XXYLT1: variants seen among roughly 807,000 people sequenced by gnomAD.
XXYLT1 encodes xyloside xylosyltransferase 1, also known as UDP-xylose:alpha-xyloside alpha-1,3-xylosyltransferase.
Under a neutral mutation model 28.9 loss-of-function variants are expected in XXYLT1, and 20 were observed. That is an observed-to-expected ratio of 0.69 (90% CI 0.49 to 1.00). The LOEUF (loss-of-function observed/expected upper bound fraction) is 1.00. XXYLT1 is among the 50% of genes least tolerant of loss of function. XXYLT1 has a pLI of 0.00. For synonymous variants in XXYLT1, 257 were observed against 253.8 expected, an observed-to-expected ratio of 1.01 and a Z score of -0.12; for missense variants, 542 against 560.1, an observed-to-expected ratio of 0.97 and a Z score of 0.33.
chr3:195,193,382 A>G (rs1230181002), intron 2 of XXYLT1, among the ~76,000 whole-genome samples: 1 of 150,986 alleles, frequency 6.6e-6, no homozygotes, highest in Non-Finnish European at 1.5e-5. Context: ...ACTGCAAAAC[A>G]CTGCTGAGAA....
Position 195,270,875 on chromosome 3 carries a change from C to T in XXYLT1, c.184G>A (p.Ala62Thr), listed in dbSNP as rs1340996043. ...GCGGGCGGCGAGGGCGCGGCGGGAG[C>T]CCCGGCGCGGGCCTCCTTCAGCCTC... Reference protein sequence around the residue: ...TKRLKEARAGAPAAPSPPALE... With the variant: ...TKRLKEARAGTPAAPSPPALE... The change falls in exon 1 of 4, where the codon GCT becomes ACT. Residue 62 changes from alanine (A) to threonine (T), a missense_variant. Ala to Thr is a moderately conservative substitution (Grantham distance 58, BLOSUM62 0). Coordinates refer to ENST00000310380, the MANE Select transcript of XXYLT1 (RefSeq NM_152531.5). 4 of 1,414,018 alleles carry T rather than the reference C, an allele frequency of 2.8e-6. No individual in the cohort carries two copies. The highest frequency in any genetic ancestry group is 2.4e-4 in the Middle Eastern group (1 of 4,126). The allele number at this position is 1,414,018 out of a possible 1,614,324, so 87.6% of individuals were successfully genotyped here.
At chr3:195,247,814 G>T (rs185920287) in intron 1 of XXYLT1, 1 of 702,694 alleles carries the variant, frequency 1.4e-6, no homozygotes, top group Non-Finnish European at 2.6e-6. Flanking sequence ...ACACAATCAC[G>T]GCGGAAGGGA....
intron 2 of XXYLT1, among the ~76,000 whole-genome samples, chr3:195,187,490 T>A (rs1249128809): frequency 6.6e-6 from 1 of 152,196 alleles, no homozygotes; most frequent in African/African-American, 2.4e-5. Context: ...ATCTGTATAG[T>A]GCTATGAGGA....
intron 3 of XXYLT1, among the ~76,000 whole-genome samples, chr3:195,082,904 G>C (rs1278688872): frequency 6.6e-6 from 1 of 152,024 alleles, no homozygotes; most frequent in Non-Finnish European, 1.5e-5. Flanking sequence ...AGAGCCAACA[G>C]TGAGGTGCCA....
intron 3 of XXYLT1, chr3:195,085,799 C>A (rs1185972169): frequency 6.6e-6 from 1 of 152,670 alleles, no homozygotes; most frequent in African/African-American, 2.4e-5. Context: ...GCTCTGAGCA[C>A]TCACCTCATA....
In XXYLT1 at chr3:195,176,731, T is replaced by C. The variant is rs1721684672; in HGVS notation, c.653-20150A>G. On this transcript the variant is annotated intron_variant, in intron 2 of 3. Transcript: ENST00000310380. The surrounding 1 kb of genome is among the most constrained non-coding windows in gnomAD (Gnocchi z 4.9). ...TACGCTTACCTAAGGACTCTAAACA[T>C]GCAAAAGGCAGATGTTTGGGGTTGG... is the stretch of plus-strand genomic sequence containing the variant. 6.6e-6 allele frequency among the ~76,000 whole-genome samples: 1 copy of C among 152,110 alleles called. No homozygotes were observed. The highest frequency in any genetic ancestry group is 1.5e-5 in the Non-Finnish European group (1 of 68,026).
At position 195,115,773 on chromosome 3, in the gene XXYLT1, C is replaced by T. The variant is rs1051617042; in HGVS notation, c.785+40676G>A. ...GAGGGCGGCAGGTGCAGGCCAGGAC[C>T]GGACCTCGGTTATCTAGAGAGTAAC... On this transcript the variant is annotated intron_variant, in intron 3 of 3. Coordinates refer to ENST00000310380, the MANE Select transcript of XXYLT1 (RefSeq NM_152531.5). The surrounding 1 kb of genome is among the most constrained non-coding windows in gnomAD (Gnocchi z 4.2). Among the ~76,000 whole-genome samples, 1 of 152,116 alleles carries T rather than the reference C, an allele frequency of 6.6e-6. No individual in the cohort carries two copies. The highest frequency in any genetic ancestry group is 2.4e-5 in the African/African-American group (1 of 41,402).
chr3:195,196,636 T>A (rs1722636855), intron 2 of XXYLT1, among the ~76,000 whole-genome samples: 1 of 152,190 alleles, frequency 6.6e-6, no homozygotes, highest in African/African-American at 2.4e-5. Flanking sequence ...GCCTCTGCCT[T>A]CTCTGTTTAA....
intron 2 of XXYLT1, among the ~76,000 whole-genome samples, chr3:195,211,417 G>A (rs1042883727): frequency 2.6e-5 from 4 of 152,178 alleles, no homozygotes; most frequent in Non-Finnish European, 4.4e-5. Context: ...GGCGAAGGCA[G>A]TGAGCCAGCT....
intron 1 of XXYLT1, among the ~76,000 whole-genome samples, chr3:195,237,936 C>A (rs575840478): frequency 7.0e-4 from 107 of 152,202 alleles, no homozygotes; most frequent in Middle Eastern, 3.4e-3. Flanking sequence ...CTCACCCCTG[C>A]CCCTGCGACC....
intron 2 of XXYLT1, among the ~76,000 whole-genome samples, chr3:195,165,195 C>T (rs1316357505): frequency 6.6e-6 from 1 of 152,178 alleles, no homozygotes; most frequent in Admixed American, 6.5e-5. Context: ...TACACTGTCT[C>T]AGTTCCTCTC....
intron 1 of XXYLT1, among the ~76,000 whole-genome samples, chr3:195,262,414 C>T (rs1368383956): frequency 6.6e-6 from 1 of 152,072 alleles, no homozygotes; most frequent in Non-Finnish European, 1.5e-5. Flanking sequence ...AGCTGTACAA[C>T]CTTGGGAATA....
intron 3 of XXYLT1, among the ~76,000 whole-genome samples, chr3:195,094,830 C>T (rs538691410): frequency 1.7e-4 from 26 of 152,366 alleles, no homozygotes; most frequent in Middle Eastern, 3.4e-3. Flanking sequence ...CAAATGCTGC[C>T]TCTGCTCCAC....
chr3:195,158,586 GT>G (rs1427825985), intron 2 of XXYLT1, among the ~76,000 whole-genome samples: 1 of 152,232 alleles, frequency 6.6e-6, no homozygotes, highest in East Asian at 1.9e-4. Flanking sequence ...TTTGCTTAAA[GT>G]TGGTAACACT....
chr3:195,207,264 T>G (rs1376710630), intron 2 of XXYLT1, among the ~76,000 whole-genome samples: 1 of 152,208 alleles, frequency 6.6e-6, no homozygotes, highest in Non-Finnish European at 1.5e-5. Context: ...TTGGTGGCAC[T>G]GCAGATGGAG....
intron 3 of XXYLT1, among the ~76,000 whole-genome samples, chr3:195,110,905 T>TATGC (rs1717670856): frequency 2.4e-5 from 1 of 41,452 alleles, no homozygotes; most frequent in African/African-American, 8.8e-5. Flanking sequence ...GTGGGTGAGG[T>TATGC]GTGTGGTGTG....
intron 1 of XXYLT1, among the ~76,000 whole-genome samples, chr3:195,239,101 G>A (rs1724673545): frequency 6.6e-6 from 1 of 152,176 alleles, no homozygotes; most frequent in South Asian, 2.1e-4. Context: ...TGCCAAGCCT[G>A]CACCCATGAA....
chr3:195,138,091 T>C (rs913424087), intron 3 of XXYLT1, among the ~76,000 whole-genome samples: 1 of 152,188 alleles, frequency 6.6e-6, no homozygotes, highest in Non-Finnish European at 1.5e-5. Context: ...GAGCCAGAAG[T>C]CAACCTCAAT....
chr3:195,212,693 G>A (rs1473810694), intron 2 of XXYLT1, among the ~76,000 whole-genome samples: 1 of 152,170 alleles, frequency 6.6e-6, no homozygotes, highest in African/African-American at 2.4e-5. Flanking sequence ...AGACTCTGAC[G>A]AATGCCTGAT....
Sources: allele counts gnomAD v4.1 joint callset (sites outside exome capture counted in the v4.1 genomes callset), GRCh38; gene constraint gnomAD v4.1.1; non-coding constraint Gnocchi (gnomAD v3.1); transcripts MANE v1.5; gene names NCBI Gene and HGNC (gene_info 2026-07-23, HGNC 2026-07-21).